KCNQ3: variants seen among roughly 807,000 people sequenced by gnomAD.
KCNQ3 encodes the protein potassium voltage-gated channel subfamily KQT member 3.
KCNQ3 carries 30 observed loss-of-function variants against 92.5 expected under a neutral mutation model. The observed-to-expected ratio is 0.32, with a 90% confidence interval of 0.24 to 0.44. KCNQ3 has a LOEUF of 0.44. Among genes scored for constraint, KCNQ3 ranks in the 20% least tolerant of loss-of-function variants. The probability of loss-of-function intolerance (pLI) is 1.00; values close to 1 mark genes in which losing one functional copy is unlikely to be tolerated. For missense variants in KCNQ3, 913 were observed against 1,140.3 expected (o/e 0.80, Z 2.87); for synonymous variants, 450 against 468.8 (o/e 0.96, Z 0.52).
chr8:132,190,225 T>C (rs1367970067), intron 1 of KCNQ3, among the ~76,000 whole-genome samples: 2 of 152,208 alleles, frequency 1.3e-5, no homozygotes, highest in Non-Finnish European at 2.9e-5. Context: ...GTTGTGTGTA[T>C]GGTGGGCATG....
intron 1 of KCNQ3, among the ~76,000 whole-genome samples, chr8:132,352,601 G>A (rs1376865207): frequency 6.6e-6 from 1 of 152,212 alleles, no homozygotes; most frequent in Non-Finnish European, 1.5e-5. Context: ...AGCTCTGGGG[G>A]TGACAGATCG....
At chr8:132,273,524 C>T (rs796272554) in intron 1 of KCNQ3, among the ~76,000 whole-genome samples, 58 of 152,320 alleles carry the variant, frequency 3.8e-4, no homozygotes, top group African/African-American at 1.3e-3. Context: ...CTCTGACATG[C>T]GTTGGAGACA....
intron 1 of KCNQ3, among the ~76,000 whole-genome samples, chr8:132,280,931 C>G (rs571049683): frequency 6.6e-6 from 1 of 152,088 alleles, no homozygotes; most frequent in Admixed American, 6.6e-5. Context: ...GTTTTGAACA[C>G]GGGAGAAAGA....
At chr8:132,457,651 C>T (rs189880052) in intron 1 of KCNQ3, among the ~76,000 whole-genome samples, 1 of 152,192 alleles carries the variant, frequency 6.6e-6, no homozygotes, top group African/African-American at 2.4e-5. Context: ...AGCTCTATCC[C>T]GGAACCCCTC....
chr8:132,359,866 T>G (rs185402211), intron 1 of KCNQ3, among the ~76,000 whole-genome samples: 1 of 152,258 alleles, frequency 6.6e-6, no homozygotes, highest in Non-Finnish European at 1.5e-5. Flanking sequence ...TCTGCCAACT[T>G]TTCTCCTGGC....
rs945237262 is a variant in KCNQ3, at chr8:132,340,790, T to TA, written c.386+139356dup. Among the ~76,000 whole-genome samples, 24 of 152,116 alleles carry TA rather than the reference T, an allele frequency of 1.6e-4. 1 individual carries two copies. The highest frequency in any genetic ancestry group is 1.5e-3 in the Admixed American group (23 of 15,286). ...TCCCAGAACTTAAAGTAAAATAAAATAAAAAAAGAAATTCATTCTTCTTAA... is the reference window on the plus strand; with the variant it reads ...TCCCAGAACTTAAAGTAAAATAAAATAAAAAAAAGAAATTCATTCTTCTTAA... On this transcript the variant is annotated intron_variant, in intron 1 of 14. Coordinates refer to ENST00000388996, the MANE Select transcript of KCNQ3 (RefSeq NM_004519.4).
At chr8:132,379,624 G>C (rs1819693685) in intron 1 of KCNQ3, among the ~76,000 whole-genome samples, 1 of 152,032 alleles carries the variant, frequency 6.6e-6, no homozygotes, top group Non-Finnish European at 1.5e-5. Flanking sequence ...TCCTAAATAT[G>C]CAAAATAATA....
chr8:132,138,639 C>A (rs1164094895), intron 11 of KCNQ3, among the ~76,000 whole-genome samples: 1 of 152,196 alleles, frequency 6.6e-6, no homozygotes, highest in African/African-American at 2.4e-5. Context: ...CACCTCCATC[C>A]TTTATTGGTT....
intron 10 of KCNQ3, chr8:132,140,390 A>C (rs764152794): frequency 1.2e-5 from 7 of 560,014 alleles, no homozygotes; most frequent in Non-Finnish European, 1.9e-5. Flanking sequence ...CCAAGTCAAA[A>C]GTGTGCGCAG....
intron 12 of KCNQ3, among the ~76,000 whole-genome samples, chr8:132,135,441 C>T (rs1483890390): frequency 6.6e-6 from 1 of 152,026 alleles, no homozygotes; most frequent in East Asian, 1.9e-4. Context: ...TGGCTCCTTC[C>T]GTCTCCTCCT....
intron 1 of KCNQ3, among the ~76,000 whole-genome samples, chr8:132,193,969 G>A (rs1015327034): frequency 2.1e-4 from 32 of 152,118 alleles, no homozygotes; most frequent in Non-Finnish European, 2.8e-4. Flanking sequence ...CTCTTCCTCT[G>A]GAGTCTGACA....
intron 1 of KCNQ3, among the ~76,000 whole-genome samples, chr8:132,466,724 G>A (rs1299828095): frequency 6.6e-6 from 1 of 152,142 alleles, no homozygotes; most frequent in Non-Finnish European, 1.5e-5. Flanking sequence ...TTGCATTCCA[G>A]GGGGCAAAAT....
Position 132,125,501 on chromosome 8 carries a change from G to A in KCNQ3, c.*3761C>T, listed in dbSNP as rs1824636284. 1 of 152,154 alleles carries A rather than the reference G, an allele frequency of 6.6e-6. No individual in the cohort carries two copies. Among genetic ancestry groups the A allele is most frequent in the African/African-American group, 2.4e-5 (1 of 41,442 alleles). The allele number at this position is 152,154 out of a possible 1,614,324, so 9.4% of individuals were successfully genotyped here. ...CTCTGAACTTCCAGTGCACTGCAAAGTTCTGGGCATATATTGGTGCTTAAT... is the reference window on the plus strand; with the variant it reads ...CTCTGAACTTCCAGTGCACTGCAAAATTCTGGGCATATATTGGTGCTTAAT... On this transcript the variant is annotated 3_prime_UTR_variant, in exon 15 of 15. Transcript: ENST00000388996.
intron 9 of KCNQ3, among the ~76,000 whole-genome samples, chr8:132,145,794 A>G (rs1864773): frequency 0.84 from 128,268 of 152,238 alleles, 54,339 homozygotes; most frequent in Middle Eastern, 0.89. Context: ...ATCTTGAGTA[A>G]ATGGGAAGAT....
chr8:132,215,569 C>A (rs1200267026), intron 1 of KCNQ3, among the ~76,000 whole-genome samples: 1 of 152,190 alleles, frequency 6.6e-6, no homozygotes, highest in African/African-American at 2.4e-5. Flanking sequence ...CATGCTCTGC[C>A]CCATTTCTCT....
chr8:132,142,446 C>T (rs1023280127), intron 9 of KCNQ3, among the ~76,000 whole-genome samples: 3 of 152,140 alleles, frequency 2.0e-5, no homozygotes, highest in African/African-American at 4.8e-5. Context: ...ATCCAGGATT[C>T]GGCATAGAGT....
intron 1 of KCNQ3, among the ~76,000 whole-genome samples, chr8:132,245,857 T>C (rs752699748): frequency 2.6e-5 from 4 of 152,236 alleles, no homozygotes; most frequent in Non-Finnish European, 4.4e-5. Flanking sequence ...ATCCACTAGT[T>C]AGACCGTGAG....
chr8:132,473,291 T>C (rs1822334120), intron 1 of KCNQ3, among the ~76,000 whole-genome samples: 1 of 152,198 alleles, frequency 6.6e-6, no homozygotes, highest in African/African-American at 2.4e-5. Flanking sequence ...GAAATGGAAG[T>C]TGAAATCAGC....
At chr8:132,230,432 G>A (rs558913961) in intron 1 of KCNQ3, among the ~76,000 whole-genome samples, 1 of 137,018 alleles carries the variant, frequency 7.3e-6, no homozygotes, top group Non-Finnish European at 1.5e-5. Flanking sequence ...GCCACCACAG[G>A]CAGAGAGAGA....
Sources: gnomAD v4.1 joint callset for allele counts (sites outside exome capture counted in the v4.1 genomes callset) on GRCh38, gnomAD v4.1.1 for gene constraint, MANE v1.5 for transcripts, NCBI Gene and HGNC (gene_info 2026-07-23, HGNC 2026-07-21) for gene names.